CADPS2: variants seen among roughly 807,000 people sequenced by gnomAD.
CADPS2 encodes the protein calcium dependent secretion activator 2, also known as calcium-dependent secretion activator 2.
CADPS2 carries 93 observed loss-of-function variants against 172.5 expected under a neutral mutation model. That is an observed-to-expected ratio of 0.54 (90% CI 0.46 to 0.64). The LOEUF (loss-of-function observed/expected upper bound fraction) is 0.64, where lower values mean the gene tolerates loss of function less well. Ranked by LOEUF, CADPS2 falls within the 30% of genes least tolerant of loss-of-function variation. The probability of loss-of-function intolerance (pLI) is 0.00; values close to 1 mark genes in which losing one functional copy is unlikely to be tolerated. For missense variants in CADPS2, 1,420 were observed against 1,565.9 expected (o/e 0.91, Z 1.57); for synonymous variants, 546 against 555.2 (o/e 0.98, Z 0.23).
At chr7:122,585,635 A>G (rs1429988797) in intron 6 of CADPS2, 1 of 151,934 alleles carries the variant, frequency 6.6e-6, no homozygotes, top group East Asian at 1.9e-4. Flanking sequence ...AGAATACATT[A>G]TCTTGCTGTC....
At chr7:122,814,592 C>T (rs888677747) in intron 1 of CADPS2, among the ~76,000 whole-genome samples, 4 of 151,974 alleles carry the variant, frequency 2.6e-5, no homozygotes, top group African/African-American at 4.8e-5. Context: ...GGAACACAGC[C>T]GTACTCATTC....
chr7:122,372,790 TA>T (rs1247760178), intron 25 of CADPS2, among the ~76,000 whole-genome samples: 1 of 152,200 alleles, frequency 6.6e-6, no homozygotes, highest in African/African-American at 2.4e-5. Context: ...TTTTAATTTT[TA>T]TGGGCTGGTT....
intron 8 of CADPS2, among the ~76,000 whole-genome samples, chr7:122,546,468 T>A (rs528379233): frequency 9.8e-5 from 15 of 152,328 alleles, no homozygotes; most frequent in South Asian, 2.1e-4. Context: ...TTCCTTTTCA[T>A]CATTCCTGTA....
At chr7:122,503,351 T>C (rs994865980) in intron 9 of CADPS2, among the ~76,000 whole-genome samples, 2 of 152,114 alleles carry the variant, frequency 1.3e-5, no homozygotes, top group African/African-American at 2.4e-5. Context: ...TTTTCAATGA[T>C]TGCAAGTAGA....
intron 1 of CADPS2, among the ~76,000 whole-genome samples, chr7:122,862,659 C>A (rs1817237790): frequency 1.3e-5 from 2 of 152,098 alleles, no homozygotes; most frequent in Middle Eastern, 3.4e-3. Context: ...GTGAATTGCC[C>A]TTTAGAGTGT....
chr7:122,651,660 G>A (rs75047633), intron 3 of CADPS2, among the ~76,000 whole-genome samples: 1 of 152,246 alleles, frequency 6.6e-6, no homozygotes, highest in East Asian at 1.9e-4. Flanking sequence ...AAGTGAACAA[G>A]ATCTCAGTTA....
intron 2 of CADPS2, among the ~76,000 whole-genome samples, chr7:122,680,137 CA>C (rs1050464271): frequency 8.6e-5 from 13 of 151,942 alleles, no homozygotes; most frequent in African/African-American, 2.9e-4. Flanking sequence ...TCTTGGCACA[CA>C]AAAAAAGTAC....
chr7:122,676,718 A>T lies in CADPS2; in HGVS notation c.454-13149T>A. The T allele has an allele frequency of 1.3e-6, 2 of 1,568,912 alleles. 1 individual carries two copies. The highest frequency in any genetic ancestry group is 2.3e-5 in the South Asian group (2 of 85,610). ...ATCCTGGAGGTGCTGTACAGGAAGG[A>T]CATGGGGCCAACTCAGAGGCAGATC... is the stretch of plus-strand genomic sequence containing the variant. On this transcript the variant is annotated intron_variant, in intron 2 of 29. Coordinates refer to ENST00000449022, the MANE Select transcript of CADPS2 (RefSeq NM_017954.11).
chr7:122,462,644 G>A lies in CADPS2; in HGVS notation c.2186+8731C>T, dbSNP rs549605605. On this transcript the variant is annotated intron_variant, in intron 14 of 29. Coordinates refer to ENST00000449022, the MANE Select transcript of CADPS2 (RefSeq NM_017954.11). ...CTATTTATAAAACACTAAAGTACAA[G>A]AATATAGAAAGGCTAACGATGTGAA... Among the ~76,000 whole-genome samples the A allele has an allele frequency of 6.6e-5, 10 of 152,172 alleles. No homozygotes were observed. In the East Asian group the frequency reaches 1.9e-3, roughly 29 times the overall value.
chr7:122,492,001 T>A (rs1586592381), intron 9 of CADPS2, among the ~76,000 whole-genome samples: 1 of 151,906 alleles, frequency 6.6e-6, no homozygotes, highest in South Asian at 2.1e-4. Context: ...TGAAACCCCA[T>A]CTCTATTAAA....
chr7:122,341,807 G>C (rs533055226), intron 28 of CADPS2, among the ~76,000 whole-genome samples: 6 of 152,092 alleles, frequency 3.9e-5, no homozygotes, highest in Non-Finnish European at 8.8e-5. Context: ...AACATTTCCT[G>C]GAACAAGGAG....
intron 28 of CADPS2, chr7:122,330,954 C>T (rs1211274215): frequency 6.6e-6 from 1 of 152,124 alleles, no homozygotes; most frequent in Non-Finnish European, 1.5e-5. Flanking sequence ...CTTTAAAATA[C>T]TAAGATTTGA....
In CADPS2 at chr7:122,845,790, A is replaced by G. The variant is rs74423868; in HGVS notation, c.339+40209T>C. 3.5e-4 allele frequency among the ~76,000 whole-genome samples: 53 copies of G among 152,350 alleles called. No homozygotes were observed. The East Asian group carries it at 8.9e-3, about 26-fold the overall frequency. ...TAGTCTTTTGGGGGCTACAAGCAAC[A>G]GGAAAACTTGATAAATTGTCCATGT... On this transcript the variant is annotated intron_variant, in intron 1 of 29. Coordinates refer to ENST00000449022, the MANE Select transcript of CADPS2 (RefSeq NM_017954.11).
chr7:122,844,706 A>C (rs540625824), intron 1 of CADPS2, among the ~76,000 whole-genome samples: 1 of 152,332 alleles, frequency 6.6e-6, no homozygotes, highest in African/African-American at 2.4e-5. Flanking sequence ...TAATGTATAC[A>C]ATCAAGAGTT....
chr7:122,362,848 T>C (rs1248595839), intron 25 of CADPS2, among the ~76,000 whole-genome samples: 1 of 152,116 alleles, frequency 6.6e-6, no homozygotes, highest in East Asian at 1.9e-4. Context: ...GATCAATTAC[T>C]ACAAAATAGT....
chr7:122,651,464 A>C (rs917330464), intron 3 of CADPS2, among the ~76,000 whole-genome samples: 1 of 152,200 alleles, frequency 6.6e-6, no homozygotes, highest in East Asian at 1.9e-4. Context: ...AAACTCTTAG[A>C]CTCAAAGCAC....
intron 1 of CADPS2, among the ~76,000 whole-genome samples, chr7:122,792,035 T>C (rs1462749059): frequency 1.3e-5 from 2 of 152,116 alleles, no homozygotes; most frequent in Admixed American, 6.5e-5. Context: ...AATACAGTAA[T>C]GGAAGGAACC....
At chr7:122,660,450 C>T (rs1399406232) in intron 3 of CADPS2, among the ~76,000 whole-genome samples, 1 of 152,020 alleles carries the variant, frequency 6.6e-6, no homozygotes, top group Admixed American at 6.6e-5. Flanking sequence ...ATCAAAATTA[C>T]AGAAGGCACA....
intron 1 of CADPS2, among the ~76,000 whole-genome samples, chr7:122,832,222 G>C (rs540220075): frequency 5.6e-4 from 85 of 151,590 alleles, no homozygotes; most frequent in Non-Finnish European, 9.4e-4. Context: ...AAAGTATTTT[G>C]GCAAAATTAC....
Sources: gnomAD v4.1 joint callset for allele counts (sites outside exome capture counted in the v4.1 genomes callset) on GRCh38, gnomAD v4.1.1 for gene constraint, MANE v1.5 for transcripts, NCBI Gene and HGNC (gene_info 2026-07-23, HGNC 2026-07-21) for gene names.